CLSTN3: variants seen among roughly 807,000 people sequenced by gnomAD.
The protein encoded by CLSTN3 is calsyntenin-3.
In CLSTN3, 36 loss-of-function variants were observed where a neutral mutation model predicts 95.9. That is an observed-to-expected ratio of 0.38 (90% CI 0.29 to 0.50). The LOEUF (loss-of-function observed/expected upper bound fraction) is 0.50. Among genes scored for constraint, CLSTN3 ranks in the 20% least tolerant of loss-of-function variants. The pLI, the probability that CLSTN3 is intolerant of heterozygous loss-of-function variation, is 0.95. For synonymous variants in CLSTN3, 481 were observed against 504.0 expected, an observed-to-expected ratio of 0.95 and a Z score of 0.61; for missense variants, 1,084 against 1,268.8, an observed-to-expected ratio of 0.85 and a Z score of 2.21.
At position 7,158,267 on chromosome 12, in the gene CLSTN3, C is replaced by A; in HGVS notation, c.*186C>A. 1 of 639,112 alleles carries A rather than the reference C, an allele frequency of 1.6e-6. No individual in the cohort carries two copies. Among genetic ancestry groups the A allele is most frequent in the Non-Finnish European group, 2.6e-6 (1 of 390,412 alleles). 39.6% of individuals were successfully genotyped at this position (639,112 alleles called of 1,614,324 possible). On this transcript the variant is annotated 3_prime_UTR_variant, in exon 18 of 18. Transcript: ENST00000266546. ...CCGCCCTGCCCCTCCCCCGGCCCCC[C>A]ATCCCTCACTTCTGGGCTGTCATGC...
rs1463310151 is a variant in CLSTN3, at chr12:7,148,956, C to T, written c.1848-16C>T. The stretch of plus-strand genomic sequence containing the variant: ...GTGTTGGGGTCACATGCTGCTTCTC[C>T]TGCTTTCTTACATAGGTGCTTCAGC... On this transcript the variant is annotated splice_polypyrimidine_tract_variant and intron_variant, in intron 12 of 17. Transcript: ENST00000266546. 1 of 1,610,314 alleles carries T rather than the reference C, an allele frequency of 6.2e-7. No individual in the cohort carries two copies. Among genetic ancestry groups the T allele is most frequent in the South Asian group, 1.1e-5 (1 of 90,970 alleles).
In CLSTN3 at chr12:7,143,291, G is replaced by A; in HGVS notation, c.1827G>A (p.Leu609=). The stretch of plus-strand genomic sequence containing the variant: ...TTGCCACGCCCGGCGTCAGGCCCCT[G>A]CGCCTCACCACTGCTGTCAAGTGAG... ...LRFATPGVRP[L]RLTTAVKCFS... is the part of the protein sequence containing the mutation. The change falls in exon 12 of 18, where the codon CTG becomes CTA. Residue 609 remains leucine (L), a synonymous_variant. Transcript: ENST00000266546. The A allele has an allele frequency of 1.2e-6, 2 of 1,610,326 alleles. No individual in the cohort carries two copies. The highest frequency in any genetic ancestry group is 8.5e-7 in the Non-Finnish European group (1 of 1,179,912).
At chr12:7,139,074 A>G (rs10734850) in intron 8 of CLSTN3, among the ~76,000 whole-genome samples, 45,668 of 152,094 alleles carry the variant, frequency 0.3, 7,291 homozygotes, top group Non-Finnish European at 0.34. Context: ...ATTAAATACA[A>G]CTAAGTCTCT....
chr12:7,157,547 G>T lies in CLSTN3; in HGVS notation c.2586G>T (p.Met862Ile). 1 of 1,611,528 alleles carries T rather than the reference G, an allele frequency of 6.2e-7. No individual in the cohort carries two copies. Among genetic ancestry groups the T allele is most frequent in the South Asian group, 1.1e-5 (1 of 90,840 alleles). Residue 862 changes from methionine (M) to isoleucine (I), a missense_variant, in exon 17 of 18, where the codon ATG becomes ATT. Met to Ile is a conservative substitution (Grantham distance 10). Transcript: ENST00000266546. The surrounding 1 kb of genome is among the most constrained non-coding windows in gnomAD (Gnocchi z 5.9). ...TGTGCGTGGGCTTCCTGGTGCTCAT[G>T]GTCGTCCTGGGCCTGGTGCGCATCC... ...IVVCVGFLVL[M>I]VVLGLVRIHS...
Position 7,157,613 on chromosome 12 carries a change from AG to A in CLSTN3, c.2656del (p.Ala886ProfsTer21). 1 of 1,611,370 alleles carries A rather than the reference AG, an allele frequency of 6.2e-7. No homozygotes were observed. The highest frequency in any genetic ancestry group is 8.5e-7 in the Non-Finnish European group (1 of 1,178,906). On this transcript the variant is annotated frameshift_variant, in exon 17 of 18. Transcript: ENST00000266546. LOFTEE classifies it high-confidence loss of function. This position sits in a 1 kb window ranked among gnomAD's most constrained non-coding sequence, Gnocchi z 5.9. The stretch of plus-strand genomic sequence containing the variant: ...GCGTCTCAGGGGCCGGCGGGCCTCC[AG>A]GGGCCTCCAGTGACCCCAAGGACCC... Reference protein sequence around the residue: ...RRVSGAGGPPGASSDPKDPDL... With the variant: ...RRVSGAGGPPXASSDPKDPDL...
At position 7,130,919 on chromosome 12, in the gene CLSTN3, T is replaced by TA. The variant is rs1342183106; in HGVS notation, c.64+208dup. 4 of 611,066 alleles carry TA rather than the reference T, an allele frequency of 6.5e-6. No individual in the cohort carries two copies. In the African/African-American group the frequency reaches 7.4e-5, roughly 11 times the overall value. The allele number at this position is 611,066 out of a possible 1,614,324, so 37.9% of individuals were successfully genotyped here. On this transcript the variant is annotated intron_variant, in intron 1 of 17. Transcript: ENST00000266546. ...TACATCTTCCTTTCTGGTCCATCTC[T>TA]ACCCATGCGTTTCTCTTGCTGGTCA...
rs754301712 is a variant in CLSTN3, at chr12:7,135,321, A to G, written c.384-6A>G. 8.7e-6 allele frequency: 14 copies of G among 1,613,752 alleles called. No individual in the cohort carries two copies. The South Asian group carries it at 1.4e-4, about 16-fold the overall frequency. ...CTTCATCCCTCCTTCTCTCTGGCAT[A>G]TGCAGGGCCACTGTGCATGTGCGGG... On this transcript the variant is annotated splice_polypyrimidine_tract_variant and splice_region_variant and intron_variant, in intron 3 of 17. Coordinates refer to ENST00000266546, the MANE Select transcript of CLSTN3 (RefSeq NM_014718.4).
intron 8 of CLSTN3, among the ~76,000 whole-genome samples, chr12:7,140,699 AG>A (rs1939509613): frequency 1.3e-5 from 2 of 152,218 alleles, no homozygotes; most frequent in African/African-American, 4.8e-5. Context: ...ACTGGAGGCC[AG>A]GAGTTGGAGA....
intron 16 of CLSTN3, among the ~76,000 whole-genome samples, chr12:7,152,885 C>T (rs1468989120): frequency 6.6e-6 from 1 of 152,176 alleles, no homozygotes; most frequent in Non-Finnish European, 1.5e-5. Context: ...CCAGTCTGTG[C>T]ACTAACCATG....
chr12:7,137,270 C>A lies in CLSTN3; in HGVS notation c.1210+160C>A. On this transcript the variant is annotated intron_variant, in intron 7 of 17. Transcript: ENST00000266546. The surrounding 1 kb of genome is among the most constrained non-coding windows in gnomAD (Gnocchi z 4.4). ...ATGCCTTGATTCTGTGCTTTATCCC[C>A]AACATGACATGTTGGATCGTACTGC... 1.5e-6 allele frequency: 1 copy of A among 682,938 alleles called. No individual in the cohort carries two copies. The highest frequency in any genetic ancestry group is 2.4e-6 in the Non-Finnish European group (1 of 411,600). 42.3% of individuals were successfully genotyped at this position (682,938 alleles called of 1,614,324 possible).
chr12:7,142,996 G>A lies in CLSTN3; in HGVS notation c.1668G>A (p.Arg556=), dbSNP rs1023256450. The change falls in exon 11 of 18, where the codon AGG becomes AGA. Residue 556 remains arginine (R), a synonymous_variant. Transcript: ENST00000266546. ...LYACREGLDY[R]DFESLGKGMK... ...CATGTCGGGAGGGGCTGGACTATAG[G>A]GATTTCGAGAGCCTGGGCAAAGGCA... 6.2e-7 allele frequency: 1 copy of A among 1,614,072 alleles called. No homozygotes were observed. Among genetic ancestry groups the A allele is most frequent in the Non-Finnish European group, 8.5e-7 (1 of 1,179,988 alleles).
chr12:7,142,743 AC>A, intron 10 of CLSTN3, 125 bp from the exon 11 acceptor site: 1 of 337,258 alleles, frequency 3.0e-6, no homozygotes, highest in Non-Finnish European at 4.2e-6. Context: ...TTTGGTTTCC[AC>A]ATTTCTCCTT....
At chr12:7,147,103 G>A (rs1302183396) in intron 12 of CLSTN3, among the ~76,000 whole-genome samples, 2 of 152,134 alleles carry the variant, frequency 1.3e-5, no homozygotes, top group Non-Finnish European at 2.9e-5. Context: ...TAGCACCAGC[G>A]TGGGGATCAG....
Position 7,149,326 on chromosome 12 carries a change from T to TA in CLSTN3, c.2074+129dup. On this transcript the variant is annotated intron_variant, in intron 13 of 17. Transcript: ENST00000266546. This position sits in a 1 kb window ranked among gnomAD's most constrained non-coding sequence, Gnocchi z 4.5. ...CCTGTGTTTGTTTGACTGAACAACTTACCTTTAAGAAGGAGAGCAAGTGGA... is the reference window on the plus strand; with the variant it reads ...CCTGTGTTTGTTTGACTGAACAACTTAACCTTTAAGAAGGAGAGCAAGTGGA... 1.0e-6 allele frequency: 1 copy of TA among 966,956 alleles called. No individual in the cohort carries two copies. The highest frequency in any genetic ancestry group is 1.6e-6 in the Non-Finnish European group (1 of 641,230). 59.9% of individuals were successfully genotyped at this position (966,956 alleles called of 1,614,324 possible).
chr12:7,137,322 T>A lies in CLSTN3; in HGVS notation c.1210+212T>A. The A allele has an allele frequency of 1.7e-6, 1 of 575,428 alleles. No homozygotes were observed. The highest frequency in any genetic ancestry group is 3.1e-6 in the Non-Finnish European group (1 of 325,952). The allele number at this position is 575,428 out of a possible 1,614,324, so 35.6% of individuals were successfully genotyped here. ...GTCAGAGTGCAATGGGATTCCTTGC[T>A]GCTACTCTTGTTTTCAGTTGCCCAG... On this transcript the variant is annotated intron_variant, in intron 7 of 17. Transcript: ENST00000266546. The surrounding 1 kb of genome is among the most constrained non-coding windows in gnomAD (Gnocchi z 4.4).
chr12:7,136,417 A>C, intron 6 of CLSTN3, 26 bp downstream of exon 6: 1 of 1,562,494 alleles, frequency 6.4e-7, no homozygotes. Context: ...ACACTGCCTC[A>C]GGCCTATCCC....
chr12:7,137,178 C>A lies in CLSTN3; in HGVS notation c.1210+68C>A. ...TTCTTGTCCCGCCTCTGTCACTGCC[C>A]AGTGTGTGACTGTGAACAGGTCACT... On this transcript the variant is annotated intron_variant, in intron 7 of 17. Transcript: ENST00000266546. This position sits in a 1 kb window ranked among gnomAD's most constrained non-coding sequence, Gnocchi z 4.4. 2 of 1,490,754 alleles carry A rather than the reference C, an allele frequency of 1.3e-6. No homozygotes were observed. Among genetic ancestry groups the A allele is most frequent in the Non-Finnish European group, 1.8e-6 (2 of 1,103,134 alleles). The allele number at this position is 1,490,754 out of a possible 1,614,324, so 92.3% of individuals were successfully genotyped here.
Position 7,130,449 on chromosome 12 carries a change from C to A in CLSTN3, c.-200C>A. The A allele has an allele frequency of 6.8e-7, 1 of 1,464,462 alleles. No homozygotes were observed. Among genetic ancestry groups the A allele is most frequent in the Non-Finnish European group, 9.0e-7 (1 of 1,109,636 alleles). 90.7% of individuals were successfully genotyped at this position (1,464,462 alleles called of 1,614,324 possible). ...GGGGAAACGGGAAGCCGCTGCAAGT[C>A]CACCGCCTCAGCTACCCAGATTGGG... On this transcript the variant is annotated 5_prime_UTR_variant, in exon 1 of 18. Transcript: ENST00000266546.
chr12:7,156,482 C>T (rs1390459153), intron 16 of CLSTN3: 1 of 456,910 alleles, frequency 2.2e-6, no homozygotes, highest in Non-Finnish European at 4.4e-6. Context: ...GGTGATGCTG[C>T]ACATATGGCT....
Sources: allele counts gnomAD v4.1 joint callset (sites outside exome capture counted in the v4.1 genomes callset), GRCh38; gene constraint gnomAD v4.1.1; non-coding constraint Gnocchi (gnomAD v3.1); transcripts MANE v1.5; gene names NCBI Gene and HGNC (gene_info 2026-07-23, HGNC 2026-07-21).